The following BPTF variants were observed in gnomAD, a reference collection of about 807,000 sequenced individuals.
The protein encoded by BPTF is nucleosome-remodeling factor subunit BPTF.
BPTF carries 18 observed loss-of-function variants against 292.5 expected under a neutral mutation model. The ratio of observed to expected loss-of-function variants is 0.06; its 90% CI spans 0.04 to 0.09. The LOEUF (loss-of-function observed/expected upper bound fraction) is 0.09, where lower values mean the gene tolerates loss of function less well. BPTF is among the 10% of genes least tolerant of loss of function. The pLI, the probability that BPTF is intolerant of heterozygous loss-of-function variation, is 1.00. For missense variants in BPTF, 2,726 were observed against 3,498.7 expected (o/e 0.78, Z 5.57); for synonymous variants, 1,225 against 1,251.9 (o/e 0.98, Z 0.45).
At chr17:67,829,788 T>C (rs1362151456) in intron 1 of BPTF, among the ~76,000 whole-genome samples, 9 of 152,220 alleles carry the variant, frequency 5.9e-5, no homozygotes, top group African/African-American at 1.9e-4. Flanking sequence ...TTTTATAGTT[T>C]ACAGGGTTGG....
At chr17:67,958,342 A>C (rs2067146133) in intron 23 of BPTF, among the ~76,000 whole-genome samples, 1 of 151,936 alleles carries the variant, frequency 6.6e-6, no homozygotes, top group Non-Finnish European at 1.5e-5. Context: ...AAAAAGAAAA[A>C]ACAGAGTACA....
chr17:67,856,095 A>T (rs2058674244), intron 2 of BPTF, among the ~76,000 whole-genome samples: 1 of 152,108 alleles, frequency 6.6e-6, no homozygotes, highest in South Asian at 2.1e-4. Context: ...TTGAGCTATG[A>T]TTTTATTGAA....
At chr17:67,973,500 C>G (rs1212071477) in intron 26 of BPTF, among the ~76,000 whole-genome samples, 6 of 151,744 alleles carry the variant, frequency 4.0e-5, no homozygotes, top group Non-Finnish European at 8.8e-5. Flanking sequence ...TGCCCCAAAC[C>G]CTTTTTTTGT....
At chr17:67,945,274 C>A in intron 20 of BPTF, 135 bp from the exon 21 acceptor site, 4 of 1,446,876 alleles carry the variant, frequency 2.8e-6, no homozygotes, top group Non-Finnish European at 2.7e-6. Flanking sequence ...CCCACCTCAA[C>A]GTCCCAAGGT....
At chr17:67,938,685 G>A (rs2147774657) in intron 18 of BPTF, among the ~76,000 whole-genome samples, 1 of 152,326 alleles carries the variant, frequency 6.6e-6, no homozygotes, top group African/African-American at 2.4e-5. Context: ...TTGGGAGGAT[G>A]TATCTGATGA....
intron 27 of BPTF, among the ~76,000 whole-genome samples, chr17:67,980,465 A>G (rs1169612570): frequency 2.6e-5 from 4 of 152,248 alleles, no homozygotes; most frequent in Admixed American, 1.3e-4. Context: ...AAGCCCCTCT[A>G]TGCTTTTTCA....
At chr17:67,837,449 C>T (rs548681899) in intron 1 of BPTF, among the ~76,000 whole-genome samples, 1 of 151,972 alleles carries the variant, frequency 6.6e-6, no homozygotes, top group East Asian at 1.9e-4. Context: ...GCTCTGTCGC[C>T]CAGGCTGGAG....
intron 4 of BPTF, chr17:67,875,741 C>T: frequency 1.3e-6 from 2 of 1,585,208 alleles, no homozygotes; most frequent in South Asian, 2.3e-5. Flanking sequence ...CCAGGATGTG[C>T]CAGGTACAGA....
intron 13 of BPTF, among the ~76,000 whole-genome samples, chr17:67,922,053 G>T (rs1011604392): frequency 6.6e-6 from 1 of 151,850 alleles, no homozygotes. Context: ...AAAATCACAA[G>T]GTCGTCCTGG....
intron 1 of BPTF, among the ~76,000 whole-genome samples, chr17:67,839,900 T>C (rs932906136): frequency 1.2e-4 from 18 of 152,176 alleles, no homozygotes; most frequent in African/African-American, 4.3e-4. Context: ...TACCTGCAAG[T>C]GTATGAAGAG....
chr17:67,928,674 A>G, intron 16 of BPTF, 73 bp downstream of exon 16: 1 of 1,471,376 alleles, frequency 6.8e-7, no homozygotes, highest in Non-Finnish European at 9.1e-7. Flanking sequence ...AGCTACTGAA[A>G]TGAAACATTT....
chr17:67,875,606 G>A lies in BPTF; in HGVS notation c.1864+586G>A, dbSNP rs142682518. 14 of 1,592,552 alleles carry A rather than the reference G, an allele frequency of 8.8e-6. No individual in the cohort carries two copies. In the East Asian group the frequency reaches 1.4e-4, roughly 16 times the overall value. ...TAACTCTGTGTCAGCAAATCTTGGC[G>A]ACAACACAACAAATGCAACTTCAGA... On this transcript the variant is annotated intron_variant, in intron 4 of 27. Transcript: ENST00000306378.
rs2065783183 is a variant in BPTF at position 67,946,001 on chromosome 17, A to G, written c.7293A>G (p.Gln2431=). 1 of 1,614,194 alleles carries G rather than the reference A, an allele frequency of 6.2e-7. No individual in the cohort carries two copies. Among genetic ancestry groups the G allele is most frequent in the African/African-American group, 1.3e-5 (1 of 75,038 alleles). Residue 2431 remains glutamine, a synonymous_variant, in exon 21 of 28, where the codon CAA becomes CAG. Transcript: ENST00000306378. ...PQLQIQQPQP[Q]VIAVPQLQQQ... ...TACAAATACAGCAGCCACAGCCCCAAGTCATTGCTGTGCCTCAGCTGCAAC... is the reference window on the plus strand; with the variant it reads ...TACAAATACAGCAGCCACAGCCCCAGGTCATTGCTGTGCCTCAGCTGCAAC...
intron 2 of BPTF, 90 bp from the exon 3 acceptor site, chr17:67,866,374 C>CT: frequency 9.7e-7 from 1 of 1,025,700 alleles, no homozygotes; most frequent in Non-Finnish European, 1.5e-6. Context: ...AGTGCATAAG[C>CT]TTTGTTTTAA....
intron 7 of BPTF, among the ~76,000 whole-genome samples, chr17:67,900,870 A>G (rs192047957): frequency 3.0e-4 from 46 of 151,686 alleles, no homozygotes; most frequent in Admixed American, 2.1e-3. Context: ...TTGGCCAGGC[A>G]TGGTCTTGCT....
At chr17:67,842,994 A>T (rs1021442996) in intron 1 of BPTF, among the ~76,000 whole-genome samples, 1 of 151,676 alleles carries the variant, frequency 6.6e-6, no homozygotes, top group Non-Finnish European at 1.5e-5. Flanking sequence ...AAACACAAAC[A>T]GTTGTTTCTT....
chr17:67,825,510 G>A lies in BPTF; in HGVS notation c.-215G>A, dbSNP rs2055900563. The A allele has an allele frequency of 2.4e-6, 1 of 418,280 alleles. No homozygotes were observed. The highest frequency in any genetic ancestry group is 4.7e-6 in the Non-Finnish European group (1 of 212,834). The allele number at this position is 418,280 out of a possible 1,614,324, so 25.9% of individuals were successfully genotyped here. ...GCCGCTGTCGGTTCCCCCAGTCACCGAGCGAGAGGGAAGAAACAAGATGGC... is the reference window on the plus strand; with the variant it reads ...GCCGCTGTCGGTTCCCCCAGTCACCAAGCGAGAGGGAAGAAACAAGATGGC... On this transcript the variant is annotated 5_prime_UTR_variant, in exon 1 of 28. Coordinates refer to ENST00000306378, the MANE Select transcript of BPTF (RefSeq NM_182641.4).
intron 11 of BPTF, among the ~76,000 whole-genome samples, chr17:67,913,505 C>T (rs1319217496): frequency 3.3e-5 from 5 of 152,104 alleles, no homozygotes; most frequent in African/African-American, 1.2e-4. Context: ...TGAGTTACTG[C>T]TCTGGGAACA....
chr17:67,880,052 T>C (rs2145888609), intron 4 of BPTF, among the ~76,000 whole-genome samples: 1 of 152,350 alleles, frequency 6.6e-6, no homozygotes, highest in South Asian at 2.1e-4. Flanking sequence ...ATCGCCTTTT[T>C]TTAAGGAATC....
Sources: allele counts gnomAD v4.1 joint callset (sites outside exome capture counted in the v4.1 genomes callset), GRCh38; gene constraint gnomAD v4.1.1; transcripts MANE v1.5; gene names NCBI Gene and HGNC (gene_info 2026-07-23, HGNC 2026-07-21).